Variants in CUX2 observed in about 807,000 individuals in gnomAD.
CUX2 encodes homeobox protein cut-like 2.
CUX2 carries 40 observed loss-of-function variants against 144.8 expected under a neutral mutation model. The observed-to-expected ratio is 0.28, with a 90% CI of 0.21 to 0.36. CUX2 has a LOEUF of 0.36. Ranked by LOEUF, CUX2 falls within the 10% of genes least tolerant of loss-of-function variation. CUX2 has a pLI of 1.00. For missense variants in CUX2, 1,615 were observed against 1,994.0 expected, an observed-to-expected ratio of 0.81 and a Z score of 3.62; for synonymous variants, 827 against 875.6, an observed-to-expected ratio of 0.94 and a Z score of 0.98.
rs1869332668 is a variant in CUX2 at position 111,034,719 on chromosome 12, G to GGAGGAGGA, written c.63+489_63+496dup. 6.6e-6 allele frequency among the ~76,000 whole-genome samples: 1 copy of GGAGGAGGA among 151,570 alleles called. No individual in the cohort carries two copies. Among genetic ancestry groups the GGAGGAGGA allele is most frequent in the African/African-American group, 2.4e-5 (1 of 41,384 alleles). On this transcript the variant is annotated intron_variant, in intron 1 of 21. Coordinates refer to ENST00000261726, the MANE Select transcript of CUX2 (RefSeq NM_015267.4). The surrounding 1 kb of genome is among the most constrained non-coding windows in gnomAD (Gnocchi z 4.2). Reference sequence around the variant, plus strand: ...GGAGGGAGCTGGCGGGCAGGGAGGAGGAGGAGGAGAGGAGGAGGAGGAGGA... The same window carrying GGAGGAGGA: ...GGAGGGAGCTGGCGGGCAGGGAGGAGGAGGAGGAGAGGAGGAGAGGAGGAGGAGGAGGA...
chr12:111,051,281 T>C (rs1870251798), intron 1 of CUX2, among the ~76,000 whole-genome samples: 1 of 152,180 alleles, frequency 6.6e-6, no homozygotes, highest in South Asian at 2.1e-4. Flanking sequence ...TCTTCTATTT[T>C]CTTGTTGATT....
intron 1 of CUX2, among the ~76,000 whole-genome samples, chr12:111,069,631 T>C (rs904706150): frequency 6.6e-6 from 1 of 152,064 alleles, no homozygotes; most frequent in African/African-American, 2.4e-5. Context: ...AGGTTCTTTC[T>C]GAGGCCTCTC....
At chr12:111,303,740 G>A (rs1358785261) in intron 9 of CUX2, among the ~76,000 whole-genome samples, 1 of 152,176 alleles carries the variant, frequency 6.6e-6, no homozygotes, top group Non-Finnish European at 1.5e-5. Context: ...CTTTGCAGAT[G>A]CCGTGTCTGG....
At chr12:111,239,312 G>A (rs1882908083) in intron 3 of CUX2, among the ~76,000 whole-genome samples, 1 of 152,126 alleles carries the variant, frequency 6.6e-6, no homozygotes, top group East Asian at 1.9e-4. Flanking sequence ...TGGCTCAGAG[G>A]CCAAGCTGAC....
In CUX2 at chr12:111,321,919, A is replaced by G. The variant is rs542363913; in HGVS notation, c.2767-502A>G. ...GGGGCACTGAAGGATTTTTACATGTAGGGACATTAGGGAGGGTACTGGAGG... is the reference window on the plus strand; with the variant it reads ...GGGGCACTGAAGGATTTTTACATGTGGGGACATTAGGGAGGGTACTGGAGG... On this transcript the variant is annotated intron_variant, in intron 17 of 21. Transcript: ENST00000261726. Among the ~76,000 whole-genome samples, 132 of 151,914 alleles carry G rather than the reference A, an allele frequency of 8.7e-4. 1 individual carries two copies. The highest frequency in any genetic ancestry group is 3.0e-3 in the African/African-American group (123 of 41,432).
At chr12:111,096,497 A>G (rs2136061746) in intron 1 of CUX2, among the ~76,000 whole-genome samples, 1 of 152,282 alleles carries the variant, frequency 6.6e-6, no homozygotes, top group East Asian at 1.9e-4. Flanking sequence ...TTTCCAGAAG[A>G]GGAAACTGAG....
intron 1 of CUX2, among the ~76,000 whole-genome samples, chr12:111,164,331 T>A (rs943368415): frequency 1.3e-5 from 2 of 152,038 alleles, no homozygotes; most frequent in Non-Finnish European, 2.9e-5. Flanking sequence ...ATCCCAGCAC[T>A]TTGGGAGGCT....
intron 3 of CUX2, among the ~76,000 whole-genome samples, chr12:111,259,314 T>C (rs951512297): frequency 1.3e-5 from 2 of 152,154 alleles, no homozygotes; most frequent in Non-Finnish European, 2.9e-5. Flanking sequence ...AAAATATTTT[T>C]AGTCTCGCGG....
At chr12:111,294,585 C>CAAAA (rs35222521) in intron 6 of CUX2, among the ~76,000 whole-genome samples, 1 of 100,034 alleles carries the variant, frequency 1.0e-5, no homozygotes, top group Non-Finnish European at 2.4e-5. Flanking sequence ...CCTATCTTTT[C>CAAAA]AAAAAAAAAA....
chr12:111,306,111 A>G (rs1886567636), intron 10 of CUX2, among the ~76,000 whole-genome samples: 1 of 152,110 alleles, frequency 6.6e-6, no homozygotes, highest in Admixed American at 6.5e-5. Context: ...GGAATTTGCC[A>G]ATGGTTCTTA....
intron 1 of CUX2, among the ~76,000 whole-genome samples, chr12:111,188,668 C>T (rs1034506860): frequency 3.3e-5 from 5 of 152,122 alleles, no homozygotes; most frequent in Middle Eastern, 6.8e-3. Context: ...GAGAAGTGGG[C>T]GGGGCCAGGT....
chr12:111,198,695 G>T (rs541588188), intron 1 of CUX2, among the ~76,000 whole-genome samples: 3 of 152,382 alleles, frequency 2.0e-5, no homozygotes, highest in South Asian at 2.1e-4. Flanking sequence ...AGAGGCAGGG[G>T]TGCCAGTGGG....
intron 1 of CUX2, among the ~76,000 whole-genome samples, chr12:111,213,271 C>G (rs1881331866): frequency 1.3e-5 from 2 of 152,220 alleles, no homozygotes; most frequent in Admixed American, 1.3e-4. Flanking sequence ...CAGAGCATTT[C>G]TTGAATTATG....
At chr12:111,303,231 A>G (rs1281587992) in intron 9 of CUX2, among the ~76,000 whole-genome samples, 1 of 142,912 alleles carries the variant, frequency 7.0e-6, no homozygotes. Context: ...GAAAAAAAAA[A>G]AAAAAAAAAA....
chr12:111,199,477 A>G (rs763803006), intron 1 of CUX2, among the ~76,000 whole-genome samples: 2 of 152,116 alleles, frequency 1.3e-5, no homozygotes, highest in Non-Finnish European at 2.9e-5. Flanking sequence ...AACACCAAAG[A>G]CAGGATTTGA....
chr12:111,341,052 A>G (rs1338866704), intron 20 of CUX2, among the ~76,000 whole-genome samples: 1 of 152,212 alleles, frequency 6.6e-6, no homozygotes, highest in Non-Finnish European at 1.5e-5. Context: ...CAGAAAGTAT[A>G]AAAATGGCCT....
chr12:111,112,151 C>G (rs528205128), intron 1 of CUX2, among the ~76,000 whole-genome samples: 1 of 151,976 alleles, frequency 6.6e-6, no homozygotes. Flanking sequence ...CAAGAAGGGT[C>G]GAGTGGCTCA....
chr12:111,083,904 G>C (rs118062494), intron 1 of CUX2, among the ~76,000 whole-genome samples: 3 of 152,156 alleles, frequency 2.0e-5, no homozygotes. Flanking sequence ...ACTTTGATGG[G>C]GGAAGAACAA....
At chr12:111,100,182 T>TGTG (rs1873127199) in intron 1 of CUX2, 1 of 187,598 alleles carries the variant, frequency 5.3e-6, no homozygotes, top group South Asian at 5.9e-5. Flanking sequence ...AGCCTGTGAC[T>TGTG]GTGTGTGTGT....
Sources: gnomAD v4.1 joint callset for allele counts (sites outside exome capture counted in the v4.1 genomes callset) on GRCh38, gnomAD v4.1.1 for gene constraint, Gnocchi (gnomAD v3.1) non-coding constraint, MANE v1.5 for transcripts, NCBI Gene and HGNC (gene_info 2026-07-23, HGNC 2026-07-21) for gene names.